The following THSD7B variants were observed in gnomAD, a reference collection of about 807,000 sequenced individuals.
THSD7B encodes thrombospondin type 1 domain containing 7B, also known as thrombospondin type-1 domain-containing protein 7B.
In THSD7B, 138 loss-of-function variants were observed where a neutral mutation model predicts 213.6. The observed-to-expected ratio is 0.65, with a 90% CI of 0.56 to 0.74. The LOEUF is 0.74. THSD7B is among the 30% of genes least tolerant of loss of function. The pLI is 0.00. For missense variants in THSD7B, 1,931 were observed against 1,991.5 expected, an observed-to-expected ratio of 0.97 and a Z score of 0.58; for synonymous variants, 742 against 687.0, an observed-to-expected ratio of 1.08 and a Z score of -1.25.
chr2:136,812,576 G>T (rs1200101588), intron 1 of THSD7B, among the ~76,000 whole-genome samples: 33 of 152,186 alleles, frequency 2.2e-4, no homozygotes, highest in Non-Finnish European at 7.3e-5. Flanking sequence ...CCATCACCAT[G>T]CTAAATACTT....
At chr2:137,031,744 T>G (rs142920596) in intron 2 of THSD7B, among the ~76,000 whole-genome samples, 5 of 152,112 alleles carry the variant, frequency 3.3e-5, no homozygotes, top group African/African-American at 1.2e-4. Flanking sequence ...CAAAATGTAT[T>G]TAACAAATAA....
intron 1 of THSD7B, among the ~76,000 whole-genome samples, chr2:136,880,057 C>T (rs993224323): frequency 2.6e-5 from 4 of 152,074 alleles, no homozygotes; most frequent in Admixed American, 1.3e-4. Context: ...GACAGATCAA[C>T]GAGACAGAAA....
intron 15 of THSD7B, among the ~76,000 whole-genome samples, chr2:137,551,224 T>C (rs1416115231): frequency 6.6e-6 from 1 of 152,118 alleles, no homozygotes; most frequent in East Asian, 1.9e-4. Flanking sequence ...TTTTTGTTAG[T>C]AAATTTCTTC....
At chr2:137,578,964 G>A (rs1354964131) in intron 17 of THSD7B, among the ~76,000 whole-genome samples, 1 of 152,074 alleles carries the variant, frequency 6.6e-6, no homozygotes, top group Non-Finnish European at 1.5e-5. Context: ...CCTGGAAGTG[G>A]ACAGAAAAAT....
intron 15 of THSD7B, among the ~76,000 whole-genome samples, chr2:137,456,254 TTTC>T (rs1475501608): frequency 6.6e-6 from 1 of 152,200 alleles, no homozygotes; most frequent in East Asian, 1.9e-4. Context: ...TTTTTAATAA[TTTC>T]TTGTTTCCAA....
chr2:136,990,637 A>G (rs1032094445), intron 2 of THSD7B, among the ~76,000 whole-genome samples: 14 of 152,202 alleles, frequency 9.2e-5, no homozygotes, highest in East Asian at 3.9e-4. Flanking sequence ...AATGTGGGGG[A>G]AAATGGCCTT....
chr2:137,073,652 C>T lies in THSD7B; in HGVS notation c.950+16422C>T, dbSNP rs370702776. Among the ~76,000 whole-genome samples the T allele has an allele frequency of 7.2e-5, 11 of 151,812 alleles. No homozygotes were observed. In the East Asian group the frequency reaches 1.2e-3, roughly 16 times the overall value. The stretch of plus-strand genomic sequence containing the variant: ...CTTTTGAATCTGTTTGCTCTTGCTT[C>T]TCTAGTTCTTTTAATTGTGATGTTA... On this transcript the variant is annotated intron_variant, in intron 3 of 27. Transcript: ENST00000409968.
At chr2:137,085,987 C>G (rs1027645464) in intron 3 of THSD7B, among the ~76,000 whole-genome samples, 1 of 152,158 alleles carries the variant, frequency 6.6e-6, no homozygotes, top group Non-Finnish European at 1.5e-5. Context: ...TTGTCAACAT[C>G]TATGTACATA....
Position 137,444,202 on chromosome 2 carries a change from CT to C in THSD7B, c.2960-6639del, listed in dbSNP as rs1011975059. On this transcript the variant is annotated intron_variant, in intron 14 of 27. Coordinates refer to ENST00000409968, the MANE Select transcript of THSD7B (RefSeq NM_001316349.2). ...GCATCTTTATGAGAGTATGCAACTT[CT>C]TTTCATGAATGGTATTTCCAAGAAA... Among the ~76,000 whole-genome samples the C allele has an allele frequency of 1.4e-4, 22 of 152,106 alleles. 1 individual carries two copies. Among genetic ancestry groups the C allele is most frequent in the Non-Finnish European group, 2.7e-4 (18 of 67,924 alleles).
intron 12 of THSD7B, among the ~76,000 whole-genome samples, chr2:137,356,008 A>G (rs13397551): frequency 0.2 from 30,517 of 151,978 alleles, 3,408 homozygotes; most frequent in South Asian, 0.28. Context: ...TGTGAGATCT[A>G]CTACAGCTGT....
intron 12 of THSD7B, among the ~76,000 whole-genome samples, chr2:137,292,237 A>G (rs1683354396): frequency 6.6e-6 from 1 of 152,200 alleles, no homozygotes; most frequent in African/African-American, 2.4e-5. Flanking sequence ...AATTGGTTTA[A>G]CTGTATGTAT....
At chr2:137,147,990 T>C (rs1368060) in intron 5 of THSD7B, among the ~76,000 whole-genome samples, 145,606 of 152,166 alleles carry the variant, frequency 0.96, 69,748 homozygotes, top group East Asian at 1. Context: ...ATTATAGTGA[T>C]GTTAGGTGCT....
At chr2:136,848,136 C>T (rs1683039936) in intron 1 of THSD7B, among the ~76,000 whole-genome samples, 1 of 152,202 alleles carries the variant, frequency 6.6e-6, no homozygotes, top group Non-Finnish European at 1.5e-5. Flanking sequence ...GTTTCTCATA[C>T]AGTGCACAAT....
chr2:137,026,617 T>C (rs976100188), intron 2 of THSD7B, among the ~76,000 whole-genome samples: 1 of 152,174 alleles, frequency 6.6e-6, no homozygotes, highest in South Asian at 2.1e-4. Flanking sequence ...GTATTTCTTA[T>C]GTATCCTTCT....
At chr2:137,090,845 A>G (rs1390289982) in intron 3 of THSD7B, among the ~76,000 whole-genome samples, 1 of 152,332 alleles carries the variant, frequency 6.6e-6, no homozygotes, top group African/African-American at 2.4e-5. Context: ...ACATTTTACT[A>G]TTGTTTCTCT....
chr2:137,496,023 T>TCTTC (rs10665497), intron 15 of THSD7B, among the ~76,000 whole-genome samples: 1 of 2,248 alleles, frequency 4.4e-4, no homozygotes, highest in Non-Finnish European at 0.017. Flanking sequence ...ATTATTGGGG[T>TCTTC]ATCTGTTTTA....
chr2:137,537,311 T>C (rs1039487942), intron 15 of THSD7B, among the ~76,000 whole-genome samples: 1 of 151,830 alleles, frequency 6.6e-6, no homozygotes, highest in Non-Finnish European at 1.5e-5. Context: ...TCAGGAATTT[T>C]GTTGAGTTTC....
intron 2 of THSD7B, among the ~76,000 whole-genome samples, chr2:137,009,993 A>G (rs1320477204): frequency 6.6e-6 from 1 of 152,202 alleles, no homozygotes; most frequent in Non-Finnish European, 1.5e-5. Context: ...GGCTGTTCTT[A>G]CCTAATTCTG....
At chr2:136,909,869 T>C (rs1459935522) in intron 2 of THSD7B, among the ~76,000 whole-genome samples, 3 of 152,192 alleles carry the variant, frequency 2.0e-5, no homozygotes, top group Non-Finnish European at 4.4e-5. Context: ...CTGTTTGGTT[T>C]TCTTTACTAT....
Sources: allele counts gnomAD v4.1 joint callset (sites outside exome capture counted in the v4.1 genomes callset), GRCh38; gene constraint gnomAD v4.1.1; transcripts MANE v1.5; gene names NCBI Gene and HGNC (gene_info 2026-07-23, HGNC 2026-07-21).